ESRRG: variants seen among roughly 807,000 people sequenced by gnomAD.
The protein encoded by ESRRG is estrogen related receptor gamma, also known as estrogen-related receptor gamma.
Under a neutral mutation model 44.0 loss-of-function variants are expected in ESRRG, and 13 were observed. The observed-to-expected ratio is 0.30, with a 90% CI of 0.19 to 0.47. The LOEUF (loss-of-function observed/expected upper bound fraction) is 0.47, where lower values mean the gene tolerates loss of function less well. Ranked by LOEUF, ESRRG falls within the 20% of genes least tolerant of loss-of-function variation. ESRRG has a pLI of 1.00. For synonymous variants in ESRRG, 215 were observed against 214.6 expected (o/e 1.00, Z -0.02); for missense variants, 395 against 580.6 (o/e 0.68, Z 3.29).
chr1:216,966,346 T>C (rs772951651), intron 1 of ESRRG, among the ~76,000 whole-genome samples: 15 of 152,186 alleles, frequency 9.9e-5, no homozygotes, highest in Non-Finnish European at 1.3e-4. Context: ...TCAGGCTGTC[T>C]ATACGTATGA....
intron 2 of ESRRG, among the ~76,000 whole-genome samples, chr1:216,812,138 C>T (rs1416930787): frequency 6.6e-6 from 1 of 152,084 alleles, no homozygotes; most frequent in Non-Finnish European, 1.5e-5. Flanking sequence ...TCTCCAAGTC[C>T]CACTCTCCAG....
At chr1:216,974,087 G>C (rs1181506341) in intron 1 of ESRRG, among the ~76,000 whole-genome samples, 1 of 152,096 alleles carries the variant, frequency 6.6e-6, no homozygotes, top group Non-Finnish European at 1.5e-5. Context: ...TATCATAGTA[G>C]AATCATTATC....
intron 1 of ESRRG, among the ~76,000 whole-genome samples, chr1:217,131,465 G>A (rs569767928): frequency 6.6e-6 from 1 of 152,312 alleles, no homozygotes; most frequent in Non-Finnish European, 1.5e-5. Context: ...GAATTGAAGA[G>A]GGAGTAATCC....
chr1:217,126,708 T>A lies in ESRRG; in HGVS notation c.-230+10959A>T, dbSNP rs2092895057. On this transcript the variant is annotated intron_variant, in intron 1 of 8. Coordinates refer to the ESRRG transcript ENST00000366940. The stretch of plus-strand genomic sequence containing the variant: ...AGGGAAGGTTCCTGCTAATCGAGTA[T>A]CCTCATCAATAATAATTAACAATTG... Among the ~76,000 whole-genome samples, 2 of 152,112 alleles carry A rather than the reference T, an allele frequency of 1.3e-5. 1 individual carries two copies. Among genetic ancestry groups the A allele is most frequent in the Admixed American group, 1.3e-4 (2 of 15,272 alleles).
rs2068337396 is a variant in ESRRG, at chr1:216,649,169, A to C, written c.589+1804T>G. On this transcript the variant is annotated intron_variant, in intron 3 of 6. Transcript: ENST00000408911. ...ATTGTCCTTCTGGCAATTTCACATAAGTTTTCTTTAGCAAGAACCACCTTA... is the reference window on the plus strand; with the variant it reads ...ATTGTCCTTCTGGCAATTTCACATACGTTTTCTTTAGCAAGAACCACCTTA... 2.6e-5 allele frequency among the ~76,000 whole-genome samples: 4 copies of C among 152,116 alleles called. No homozygotes were observed. The South Asian group carries it at 8.3e-4, about 32-fold the overall frequency.
At chr1:216,985,007 G>C (rs1437707122) in intron 1 of ESRRG, among the ~76,000 whole-genome samples, 1 of 152,026 alleles carries the variant, frequency 6.6e-6, no homozygotes, top group Non-Finnish European at 1.5e-5. Flanking sequence ...TTATTTCAAT[G>C]GTTTCCTCAC....
intron 1 of ESRRG, among the ~76,000 whole-genome samples, chr1:217,112,638 A>G (rs1299790670): frequency 6.6e-6 from 1 of 152,230 alleles, no homozygotes; most frequent in African/African-American, 2.4e-5. Context: ...AAAACAATTT[A>G]ACAGAATTTA....
chr1:216,547,238 A>G (rs2054789216), intron 5 of ESRRG, among the ~76,000 whole-genome samples: 1 of 137,900 alleles, frequency 7.3e-6, no homozygotes, highest in Non-Finnish European at 1.6e-5. Context: ...ATGTAGCTGG[A>G]TGATGTTGAT....
intron 3 of ESRRG, among the ~76,000 whole-genome samples, chr1:216,593,750 T>C (rs2058039608): frequency 6.6e-6 from 1 of 152,178 alleles, no homozygotes; most frequent in South Asian, 2.1e-4. Flanking sequence ...TTTGTGTGTG[T>C]GTTGGGGGGA....
At chr1:216,618,722 C>CA (rs545873520) in intron 3 of ESRRG, among the ~76,000 whole-genome samples, 161 of 151,920 alleles carry the variant, frequency 1.1e-3, no homozygotes, top group Middle Eastern at 6.8e-3. Flanking sequence ...GCATAAACCT[C>CA]AAAAAAAATG....
intron 2 of ESRRG, among the ~76,000 whole-genome samples, chr1:216,820,976 T>G (rs1255633427): frequency 6.6e-6 from 1 of 152,204 alleles, no homozygotes. Flanking sequence ...TTTATTGGAC[T>G]TTTTGAAAAT....
chr1:217,081,409 T>C (rs919803698), intron 1 of ESRRG, among the ~76,000 whole-genome samples: 1 of 151,766 alleles, frequency 6.6e-6, no homozygotes, highest in Non-Finnish European at 1.5e-5. Context: ...GTATTTTTAG[T>C]AGAGATGGGG....
intron 1 of ESRRG, among the ~76,000 whole-genome samples, chr1:217,127,736 A>G (rs997946581): frequency 1.1e-4 from 17 of 152,152 alleles, no homozygotes; most frequent in African/African-American, 4.1e-4. Context: ...AAAATGGGGG[A>G]AAATAATAGT....
At chr1:216,634,414 C>T (rs548236973) in intron 3 of ESRRG, among the ~76,000 whole-genome samples, 45 of 147,532 alleles carry the variant, frequency 3.1e-4, no homozygotes, top group African/African-American at 9.6e-4. Flanking sequence ...TTTTTTTTTT[C>T]TCAGCTATTC....
intron 2 of ESRRG, among the ~76,000 whole-genome samples, chr1:216,838,012 C>A (rs929174324): frequency 6.6e-6 from 1 of 152,094 alleles, no homozygotes; most frequent in African/African-American, 2.4e-5. Flanking sequence ...GGGAGATGAG[C>A]TTTTCTTTAG....
chr1:217,137,442 C>G (rs768965394), intron 1 of ESRRG, among the ~76,000 whole-genome samples: 22 of 152,342 alleles, frequency 1.4e-4, no homozygotes, highest in Non-Finnish European at 2.9e-4. Flanking sequence ...TCCACGCAGG[C>G]GTTTGCGCGC....
At chr1:216,658,845 TAAA>T (rs1574902130) in intron 2 of ESRRG, among the ~76,000 whole-genome samples, 1 of 95,094 alleles carries the variant, frequency 1.1e-5, no homozygotes, top group African/African-American at 4.6e-5. Flanking sequence ...AAAAAGAAAG[TAAA>T]AGAAGAGAAG....
intron 1 of ESRRG, among the ~76,000 whole-genome samples, chr1:216,720,697 G>T (rs2086064047): frequency 6.6e-6 from 1 of 151,898 alleles, no homozygotes; most frequent in Non-Finnish European, 1.5e-5. Context: ...GAAGAGATGA[G>T]AAAAAGAAAA....
chr1:216,600,650 T>A (rs56929755), intron 3 of ESRRG, among the ~76,000 whole-genome samples: 12 of 152,052 alleles, frequency 7.9e-5, no homozygotes, highest in Non-Finnish European at 1.5e-4. Context: ...TTAGTTATTT[T>A]AAAAATAAAG....
Sources: allele counts gnomAD v4.1 joint callset (sites outside exome capture counted in the v4.1 genomes callset), GRCh38; gene constraint gnomAD v4.1.1; transcripts MANE v1.5; gene names NCBI Gene and HGNC (gene_info 2026-07-23, HGNC 2026-07-21).